Variants in ABCB1 observed in about 807,000 individuals in gnomAD.
ABCB1 encodes ATP binding cassette subfamily B member 1.
In ABCB1, 69 loss-of-function variants were observed where a neutral mutation model predicts 142.0. That is an observed-to-expected ratio of 0.49 (90% CI 0.40 to 0.59). ABCB1 has a LOEUF of 0.59. ABCB1 is among the 20% of genes least tolerant of loss of function. ABCB1 has a pLI of 0.00. For missense variants in ABCB1, 1,326 were observed against 1,554.7 expected, an observed-to-expected ratio of 0.85 and a Z score of 2.47; for synonymous variants, 532 against 539.2, an observed-to-expected ratio of 0.99 and a Z score of 0.18.
chr7:87,672,683 C>T (rs562642642), intron 1 of ABCB1, among the ~76,000 whole-genome samples: 83 of 152,202 alleles, frequency 5.5e-4, no homozygotes, highest in African/African-American at 1.9e-3. Flanking sequence ...TCTGTGAGAC[C>T]GAAGGCCCTG....
At chr7:87,534,930 A>AC (rs1563039532) in intron 20 of ABCB1, among the ~76,000 whole-genome samples, 2 of 142,114 alleles carry the variant, frequency 1.4e-5, no homozygotes, top group African/African-American at 5.1e-5. Context: ...AAAAAAAAAA[A>AC]AAAAAAAAAA....
chr7:87,662,751 A>C (rs1156564821), intron 1 of ABCB1, among the ~76,000 whole-genome samples: 1 of 152,100 alleles, frequency 6.6e-6, no homozygotes, highest in Non-Finnish European at 1.5e-5. Flanking sequence ...TTGTGGTTCC[A>C]TATGAATTTT....
intron 1 of ABCB1, among the ~76,000 whole-genome samples, chr7:87,630,052 C>G (rs1431993036): frequency 6.6e-6 from 1 of 152,034 alleles, no homozygotes; most frequent in Non-Finnish European, 1.5e-5. Context: ...GCATCAATTT[C>G]TTAGGAACTT....
At chr7:87,623,810 C>A (rs1820312934) in intron 1 of ABCB1, among the ~76,000 whole-genome samples, 1 of 152,052 alleles carries the variant, frequency 6.6e-6, no homozygotes, top group Non-Finnish European at 1.5e-5. Context: ...GCATCAGCTT[C>A]AAAATATGCT....
intron 1 of ABCB1, among the ~76,000 whole-genome samples, chr7:87,635,164 T>C (rs1821635350): frequency 6.6e-6 from 1 of 152,140 alleles, no homozygotes; most frequent in Admixed American, 6.5e-5. Flanking sequence ...CTCTTACAGG[T>C]TTATAAAATA....
chr7:87,585,711 A>T (rs1176473890), intron 3 of ABCB1, 31 bp from the exon 4 acceptor site: 1 of 1,607,312 alleles, frequency 6.2e-7, no homozygotes, highest in African/African-American at 1.3e-5. Context: ...ATAGCAGAGG[A>T]AAAATTAGTA....
chr7:87,655,781 A>G (rs756212140), intron 1 of ABCB1, among the ~76,000 whole-genome samples: 1 of 152,106 alleles, frequency 6.6e-6, no homozygotes, highest in Admixed American at 6.6e-5. Context: ...CATATGCTGG[A>G]AACTTAACCC....
intron 1 of ABCB1, among the ~76,000 whole-genome samples, chr7:87,674,868 T>C (rs1826169221): frequency 6.6e-6 from 1 of 152,124 alleles, no homozygotes; most frequent in African/African-American, 2.4e-5. Context: ...GGTCTGACGG[T>C]CACCCTAAGG....
chr7:87,520,952 C>T, intron 21 of ABCB1, 76 bp from the exon 22 acceptor site: 1 of 1,078,500 alleles, frequency 9.3e-7, no homozygotes, highest in Admixed American at 1.8e-5. Flanking sequence ...ATAAAACAGA[C>T]TAATGAAAAT....
chr7:87,589,033 T>C (rs1166101556), intron 3 of ABCB1, among the ~76,000 whole-genome samples: 1 of 152,194 alleles, frequency 6.6e-6, no homozygotes, highest in Non-Finnish European at 1.5e-5. Flanking sequence ...TCCTTATAAA[T>C]GCTAGAACCT....
intron 1 of ABCB1, among the ~76,000 whole-genome samples, chr7:87,657,135 G>A (rs1362458311): frequency 6.6e-6 from 1 of 152,126 alleles, no homozygotes; most frequent in Non-Finnish European, 1.5e-5. Flanking sequence ...GACTCTGAAA[G>A]GTAGCGAGTA....
At chr7:87,568,979 T>C (rs927547853) in intron 5 of ABCB1, among the ~76,000 whole-genome samples, 3 of 152,154 alleles carry the variant, frequency 2.0e-5, no homozygotes, top group African/African-American at 7.2e-5. Context: ...TAAAAAACAA[T>C]GCCTCTCCAC....
intron 25 of ABCB1, among the ~76,000 whole-genome samples, chr7:87,514,513 T>C (rs901926179): frequency 2.0e-5 from 3 of 152,154 alleles, no homozygotes; most frequent in Admixed American, 1.3e-4. Flanking sequence ...TTTTTTTTCC[T>C]CAGATGATGT....
At chr7:87,546,789 C>T (rs1044595185) in intron 14 of ABCB1, among the ~76,000 whole-genome samples, 1 of 152,102 alleles carries the variant, frequency 6.6e-6, no homozygotes, top group Admixed American at 6.6e-5. Context: ...CTCAATGTCA[C>T]ACTGACCTGA....
intron 3 of ABCB1, among the ~76,000 whole-genome samples, chr7:87,587,798 C>T (rs543616305): frequency 1.3e-5 from 2 of 149,786 alleles, no homozygotes; most frequent in African/African-American, 2.5e-5. Flanking sequence ...TGGTGTGAAC[C>T]TGGGAGGCGG....
chr7:87,570,056 T>C (rs779692425), intron 5 of ABCB1, 116 bp downstream of exon 5: 7 of 918,380 alleles, frequency 7.6e-6, no homozygotes, highest in South Asian at 1.4e-5. Context: ...TTCTAAAAAC[T>C]ATCAAGAGTA....
At chr7:87,504,661 T>C (rs111609902) in intron 27 of ABCB1, among the ~76,000 whole-genome samples, 3,701 of 151,992 alleles carry the variant, frequency 0.024, 68 homozygotes, top group Non-Finnish European at 0.036. Context: ...AAAAATTAGC[T>C]GGGCTTGGTG....
intron 13 of ABCB1, 22 bp from the exon 14 acceptor site, chr7:87,549,540 G>A (rs577344112): frequency 1.2e-6 from 2 of 1,614,182 alleles, no homozygotes; most frequent in East Asian, 4.5e-5. Context: ...AACCCAGAAT[G>A]ATTTAGCATA....
chr7:87,536,568 C>T (rs1260592950), intron 19 of ABCB1, 27 bp from the exon 20 acceptor site: 5 of 1,610,096 alleles, frequency 3.1e-6, no homozygotes, highest in East Asian at 2.2e-5. Context: ...GATTTTATTA[C>T]CTTAAAGCTG....
Sources: gnomAD v4.1 joint callset for allele counts (sites outside exome capture counted in the v4.1 genomes callset) on GRCh38, gnomAD v4.1.1 for gene constraint, MANE v1.5 for transcripts, NCBI Gene and HGNC (gene_info 2026-07-23, HGNC 2026-07-21) for gene names.